The following CSMD3 variants were observed in gnomAD, a reference collection of about 807,000 sequenced individuals.
The protein encoded by CSMD3 is CUB and sushi domain-containing protein 3.
Under a neutral mutation model 435.2 loss-of-function variants are expected in CSMD3, and 177 were observed. That is an observed-to-expected ratio of 0.41 (90% CI 0.36 to 0.46). The LOEUF is 0.46. Ranked by LOEUF, CSMD3 falls within the 20% of genes least tolerant of loss-of-function variation. The probability of loss-of-function intolerance (pLI) is 0.34; values close to 1 mark genes in which losing one functional copy is unlikely to be tolerated. For synonymous variants in CSMD3, 1,656 were observed against 1,520.5 expected, an observed-to-expected ratio of 1.09 and a Z score of -2.07; for missense variants, 4,265 against 4,504.6, an observed-to-expected ratio of 0.95 and a Z score of 1.52.
intron 1 of CSMD3, among the ~76,000 whole-genome samples, chr8:113,343,747 C>T (rs2094134581): frequency 6.6e-6 from 1 of 151,934 alleles, no homozygotes; most frequent in South Asian, 2.1e-4. Context: ...GGAAATGGGC[C>T]AAGAAAAAAA....
chr8:112,717,160 A>C (rs1459954120), intron 13 of CSMD3, among the ~76,000 whole-genome samples: 1 of 152,124 alleles, frequency 6.6e-6, no homozygotes, highest in Non-Finnish European at 1.5e-5. Flanking sequence ...AATTTTTTGC[A>C]ATCTATTCAT....
At chr8:112,936,714 G>C (rs2083291814) in intron 9 of CSMD3, among the ~76,000 whole-genome samples, 1 of 151,768 alleles carries the variant, frequency 6.6e-6, no homozygotes, top group African/African-American at 2.4e-5. Context: ...ACACTACTCA[G>C]GCAGAAATAC....
chr8:112,342,269 G>A (rs1298109827), intron 41 of CSMD3, among the ~76,000 whole-genome samples: 7 of 151,970 alleles, frequency 4.6e-5, no homozygotes, highest in African/African-American at 7.2e-5. Flanking sequence ...GGTGATCATT[G>A]TTATATGTGG....
intron 30 of CSMD3, among the ~76,000 whole-genome samples, chr8:112,503,187 T>A (rs1807537456): frequency 6.6e-6 from 1 of 152,180 alleles, no homozygotes; most frequent in Non-Finnish European, 1.5e-5. Context: ...GCTCAAGTGA[T>A]CCTCCTGCCT....
rs187247290 is a variant in CSMD3, at chr8:113,195,028, T to G, written c.515-21112A>C. On this transcript the variant is annotated intron_variant, in intron 3 of 70. Transcript: ENST00000297405. ...TCTTACACTGTTCTAGTCCCCACAC[T>G]CAATTACAGGTCATTCATTGTGCCT... Among the ~76,000 whole-genome samples, 6 of 151,386 alleles carry G rather than the reference T, an allele frequency of 4.0e-5. No homozygotes were observed. The East Asian group carries it at 9.7e-4, about 25-fold the overall frequency.
intron 1 of CSMD3, among the ~76,000 whole-genome samples, chr8:113,361,795 A>G (rs1466574435): frequency 6.6e-6 from 1 of 152,180 alleles, no homozygotes; most frequent in Non-Finnish European, 1.5e-5. Context: ...CACAATTTAT[A>G]ATATAAATCA....
At chr8:112,669,127 G>C (rs1303972816) in intron 16 of CSMD3, among the ~76,000 whole-genome samples, 1 of 151,596 alleles carries the variant, frequency 6.6e-6, no homozygotes, top group Non-Finnish European at 1.5e-5. Flanking sequence ...CTGCCTCCTG[G>C]GTTCAAACGA....
intron 1 of CSMD3, among the ~76,000 whole-genome samples, chr8:113,398,973 A>G (rs2094496281): frequency 6.6e-6 from 1 of 151,032 alleles, no homozygotes; most frequent in African/African-American, 2.4e-5. Flanking sequence ...GATCTCAAAA[A>G]TTGTCTTGTG....
chr8:113,134,846 T>A (rs1024736596), intron 4 of CSMD3, among the ~76,000 whole-genome samples: 2 of 151,964 alleles, frequency 1.3e-5, no homozygotes, highest in African/African-American at 4.8e-5. Context: ...GGTGGTGGCA[T>A]CTGTTCAGCT....
At chr8:112,801,804 A>T (rs1178518845) in intron 12 of CSMD3, among the ~76,000 whole-genome samples, 1 of 152,052 alleles carries the variant, frequency 6.6e-6, no homozygotes, top group Non-Finnish European at 1.5e-5. Context: ...AACGGGAATG[A>T]GAGCTTATAT....
chr8:112,698,821 G>A (rs2076317175), intron 13 of CSMD3, among the ~76,000 whole-genome samples: 1 of 152,128 alleles, frequency 6.6e-6, no homozygotes, highest in Non-Finnish European at 1.5e-5. Context: ...GGTCAGGTGG[G>A]GACTTGGAGA....
Position 112,261,974 on chromosome 8 carries a change from A to G in CSMD3, c.9862+1665T>C, listed in dbSNP as rs1408110793. 2.0e-5 allele frequency among the ~76,000 whole-genome samples: 3 copies of G among 152,094 alleles called. No homozygotes were observed. The East Asian group carries it at 5.8e-4, about 29-fold the overall frequency. On this transcript the variant is annotated intron_variant, in intron 61 of 70. Coordinates refer to ENST00000297405, the MANE Select transcript of CSMD3 (RefSeq NM_198123.2). Reference sequence around the variant, plus strand: ...TTTTCACACATATTGATTACATTGTACAAGTCTGTGATTGGTCTCTGATAA... The same window carrying G: ...TTTTCACACATATTGATTACATTGTGCAAGTCTGTGATTGGTCTCTGATAA...
intron 32 of CSMD3, among the ~76,000 whole-genome samples, chr8:112,458,072 T>A (rs992103461): frequency 6.6e-6 from 1 of 152,058 alleles, no homozygotes; most frequent in African/African-American, 2.4e-5. Context: ...TGCAAAAAAT[T>A]GTCAAGCTCT....
chr8:112,398,084 T>G (rs1831004114), intron 35 of CSMD3, among the ~76,000 whole-genome samples: 1 of 152,126 alleles, frequency 6.6e-6, no homozygotes, highest in East Asian at 1.9e-4. Context: ...ATATTTCCAT[T>G]CTTAAAAAAG....
At position 112,223,075 on chromosome 8, in the gene CSMD3, A is replaced by G. The variant is rs932613116; in HGVS notation, c.*1696T>C. ...AGAGGAGTAGCCAGTTGCAGAAGAA[A>G]CATTGTTTAAACAAGATCTTAAATG... On this transcript the variant is annotated 3_prime_UTR_variant, in exon 71 of 71. Transcript: ENST00000297405. 7 of 398,492 alleles carry G rather than the reference A, an allele frequency of 1.8e-5. No homozygotes were observed. Among genetic ancestry groups the G allele is most frequent in the African/African-American group, 1.4e-4 (7 of 48,632 alleles). The allele number at this position is 398,492 out of a possible 1,614,324, so 24.7% of individuals were successfully genotyped here.
At chr8:113,204,226 T>C (rs911086224) in intron 3 of CSMD3, among the ~76,000 whole-genome samples, 1 of 152,244 alleles carries the variant, frequency 6.6e-6, no homozygotes, top group Non-Finnish European at 1.5e-5. Flanking sequence ...ATTAGTGCCC[T>C]AGATAAAAAG....
At chr8:113,254,535 G>A (rs189952771) in intron 3 of CSMD3, among the ~76,000 whole-genome samples, 1 of 152,176 alleles carries the variant, frequency 6.6e-6, no homozygotes, top group Non-Finnish European at 1.5e-5. Context: ...GGCACACATG[G>A]TCCAACAAAT....
rs2131063713 is a variant in CSMD3 at position 112,352,499 on chromosome 8, G to A, written c.6172C>T (p.Pro2058Ser). ...TCTCCAATTTTAATTCCACTGCTAGGAGTTTGTGGTTCAGGACAGGAATCC... is the reference window on the plus strand; with the variant it reads ...TCTCCAATTTTAATTCCACTGCTAGAAGTTTGTGGTTCAGGACAGGAATCC... ...GLDSCPEPQT[P>S]SSGIKIGDRY... is the part of the protein sequence containing the mutation. The change falls in exon 39 of 71, where the codon CCT (proline) becomes TCT (serine). Residue 2058 changes from proline (P) to serine (S), a missense_variant. Pro to Ser is a moderately conservative substitution (Grantham distance 74). Coordinates refer to ENST00000297405, the MANE Select transcript of CSMD3 (RefSeq NM_198123.2). 1.9e-6 allele frequency: 3 copies of A among 1,613,560 alleles called. No homozygotes were observed. The highest frequency in any genetic ancestry group is 2.5e-6 in the Non-Finnish European group (3 of 1,179,726).
intron 32 of CSMD3, among the ~76,000 whole-genome samples, chr8:112,445,934 T>A (rs1815551491): frequency 6.6e-6 from 1 of 152,234 alleles, no homozygotes; most frequent in Admixed American, 6.5e-5. Flanking sequence ...TTTCAGCATT[T>A]GTTAGTTCTT....
Sources: gnomAD v4.1 joint callset for allele counts (sites outside exome capture counted in the v4.1 genomes callset) on GRCh38, gnomAD v4.1.1 for gene constraint, MANE v1.5 for transcripts, NCBI Gene and HGNC (gene_info 2026-07-23, HGNC 2026-07-21) for gene names.